Variants in LINGO2 observed in about 807,000 individuals in gnomAD.
The protein encoded by LINGO2 is leucine-rich repeat and immunoglobulin-like domain-containing nogo receptor-interacting protein 2.
Under a neutral mutation model 30.6 loss-of-function variants are expected in LINGO2, and 14 were observed. That is an observed-to-expected ratio of 0.46 (90% confidence interval 0.30 to 0.72). The LOEUF (loss-of-function observed/expected upper bound fraction) is 0.72. LINGO2 is among the 30% of genes least tolerant of loss of function. LINGO2 has a pLI of 0.07. For missense variants in LINGO2, 729 were observed against 751.7 expected (o/e 0.97, Z 0.35); for synonymous variants, 317 against 288.5 (o/e 1.10, Z -1.00).
intron 1 of LINGO2, among the ~76,000 whole-genome samples, chr9:28,482,428 A>C (rs1826008059): frequency 6.6e-6 from 1 of 152,208 alleles, no homozygotes; most frequent in Non-Finnish European, 1.5e-5. Context: ...TCTTCTTCTG[A>C]GAAGTGTCTG....
intron 1 of LINGO2, among the ~76,000 whole-genome samples, chr9:28,510,141 A>C (rs1470120109): frequency 6.6e-6 from 1 of 152,162 alleles, no homozygotes; most frequent in African/African-American, 2.4e-5. Context: ...ATTTTTATTG[A>C]CAGCATTCAT....
chr9:28,640,076 A>C (rs1307858398), intron 1 of LINGO2, among the ~76,000 whole-genome samples: 1 of 152,066 alleles, frequency 6.6e-6, no homozygotes, highest in Non-Finnish European at 1.5e-5. Context: ...TCCTTCACTT[A>C]TGAAGCTTAG....
chr9:28,363,227 A>G (rs954736355), intron 3 of LINGO2, among the ~76,000 whole-genome samples: 2 of 152,240 alleles, frequency 1.3e-5, no homozygotes, highest in Admixed American at 6.5e-5. Context: ...TTGTCTCCAG[A>G]GCCTATGCTC....
the LINGO2 span, among the ~76,000 whole-genome samples, chr9:28,741,397 C>T: frequency 6.6e-6 from 1 of 151,838 alleles, no homozygotes; most frequent in East Asian, 1.9e-4. Context: ...GTTGGCCTGG[C>T]ATTGAGTAGA....
Position 28,511,665 on chromosome 9 carries a change from T to C in LINGO2, c.-364-35640A>G, listed in dbSNP as rs144382982. On this transcript the variant is annotated intron_variant, in intron 1 of 5. Coordinates refer to ENST00000379992, the Ensembl canonical transcript of LINGO2. ...TTTTTGGCCACTCAGAGAGGTCCATTCACATACCTCTTCCCCAAATTTCTT... is the reference window on the plus strand; with the variant it reads ...TTTTTGGCCACTCAGAGAGGTCCATCCACATACCTCTTCCCCAAATTTCTT... Among the ~76,000 whole-genome samples, 292 of 152,280 alleles carry C rather than the reference T, an allele frequency of 1.9e-3. 2 individuals are homozygous for C. Among genetic ancestry groups the C allele is most frequent in the African/African-American group, 6.6e-3 (275 of 41,558 alleles).
the LINGO2 span, among the ~76,000 whole-genome samples, chr9:29,193,637 G>A: frequency 6.6e-6 from 1 of 152,108 alleles, no homozygotes; most frequent in Admixed American, 6.6e-5. Context: ...ACCTGCAAAG[G>A]GCTGGGGACT....
intron 5 of LINGO2, among the ~76,000 whole-genome samples, chr9:27,988,932 T>C (rs548997410): frequency 6.6e-6 from 1 of 152,022 alleles, no homozygotes; most frequent in East Asian, 1.9e-4. Context: ...ACTATTCTTA[T>C]CACTTCCACT....
chr9:28,358,636 T>C (rs139939737), intron 3 of LINGO2, among the ~76,000 whole-genome samples: 1 of 152,088 alleles, frequency 6.6e-6, no homozygotes, highest in African/African-American at 2.4e-5. Context: ...AGGCAGAAAA[T>C]GGAACTTCTC....
intron 3 of LINGO2, among the ~76,000 whole-genome samples, chr9:28,332,604 G>A (rs540456068): frequency 6.6e-6 from 1 of 152,008 alleles, no homozygotes; most frequent in Non-Finnish European, 1.5e-5. Flanking sequence ...AAAGGCAGGG[G>A]GAATGGGGAA....
the LINGO2 span, among the ~76,000 whole-genome samples, chr9:29,208,983 T>G: frequency 6.6e-6 from 1 of 152,202 alleles, no homozygotes; most frequent in Non-Finnish European, 1.5e-5. Context: ...AATCCTTTTT[T>G]TAAAAAGTAA....
chr9:28,209,338 G>A (rs1036159105), intron 4 of LINGO2, among the ~76,000 whole-genome samples: 1 of 151,792 alleles, frequency 6.6e-6, no homozygotes, highest in Admixed American at 6.6e-5. Flanking sequence ...GTCTCCATTG[G>A]AGTCATCTGT....
intron 4 of LINGO2, among the ~76,000 whole-genome samples, chr9:28,128,083 T>G (rs1726154105): frequency 6.6e-6 from 1 of 152,186 alleles, no homozygotes; most frequent in Non-Finnish European, 1.5e-5. Flanking sequence ...AAGCTCTGGT[T>G]AAAAGTCAGG....
the LINGO2 span, among the ~76,000 whole-genome samples, chr9:29,099,492 G>A: frequency 6.6e-6 from 1 of 151,418 alleles, no homozygotes; most frequent in East Asian, 1.9e-4. Context: ...ATCTGACAAG[G>A]GATTAATAAC....
At chr9:28,416,213 CT>C (rs1351561544) in intron 2 of LINGO2, among the ~76,000 whole-genome samples, 2 of 152,070 alleles carry the variant, frequency 1.3e-5, no homozygotes, top group African/African-American at 4.8e-5. Context: ...AAATTATACT[CT>C]TTTCATAAAA....
intron 2 of LINGO2, among the ~76,000 whole-genome samples, chr9:28,461,383 C>T (rs1825074021): frequency 6.6e-6 from 1 of 152,078 alleles, no homozygotes; most frequent in Admixed American, 6.6e-5. Context: ...ATGGTGTTTC[C>T]TGGCCATACA....
intron 1 of LINGO2, among the ~76,000 whole-genome samples, chr9:28,561,690 A>ATAATTT: frequency 8.1e-6 from 1 of 124,214 alleles, no homozygotes; most frequent in African/African-American, 2.8e-5. Context: ...TGTATTATAT[A>ATAATTT]TGTATAATAT....
chr9:28,773,078 A>G, the LINGO2 span, among the ~76,000 whole-genome samples: 1 of 152,146 alleles, frequency 6.6e-6, no homozygotes, highest in Non-Finnish European at 1.5e-5. Context: ...AAAGTGACCT[A>G]CATACGGCCG....
intron 1 of LINGO2, among the ~76,000 whole-genome samples, chr9:28,492,207 C>T (rs895534470): frequency 6.6e-6 from 1 of 152,164 alleles, no homozygotes; most frequent in African/African-American, 2.4e-5. Flanking sequence ...TGTTGTGTAT[C>T]TTGCATGTGC....
the LINGO2 span, among the ~76,000 whole-genome samples, chr9:29,034,082 C>T: frequency 4.2e-5 from 6 of 141,222 alleles, no homozygotes; most frequent in Non-Finnish European, 6.2e-5. Context: ...GATTCCACCT[C>T]AAAAAAAAAA....
Sources: allele counts gnomAD v4.1 joint callset (sites outside exome capture counted in the v4.1 genomes callset), GRCh38; gene constraint gnomAD v4.1.1; transcripts MANE v1.5; gene names NCBI Gene and HGNC (gene_info 2026-07-23, HGNC 2026-07-21).